The following CSMD1 variants were observed in gnomAD, a reference collection of about 807,000 sequenced individuals.
The protein encoded by CSMD1 is CUB and sushi domain-containing protein 1.
CSMD1 carries 213 observed loss-of-function variants against 417.5 expected under a neutral mutation model. The ratio of observed to expected loss-of-function variants is 0.51; its 90% CI spans 0.46 to 0.57. CSMD1 has a LOEUF of 0.57. CSMD1 is among the 20% of genes least tolerant of loss of function. The pLI is 0.00. For synonymous variants in CSMD1, 2,862 were observed against 1,736.8 expected, an observed-to-expected ratio of 1.65 and a Z score of -16.11; for missense variants, 6,923 against 4,529.7, an observed-to-expected ratio of 1.53 and a Z score of -15.17.
intron 3 of CSMD1, among the ~76,000 whole-genome samples, chr8:4,317,650 A>C (rs1004763182): frequency 2.0e-5 from 3 of 151,936 alleles, no homozygotes; most frequent in African/African-American, 4.8e-5. Context: ...TTATTTACTG[A>C]CAAGCAGGAA....
chr8:4,438,123 A>T lies in CSMD1; in HGVS notation c.303-18058T>A, dbSNP rs372348539. On this transcript the variant is annotated intron_variant, in intron 2 of 69. Transcript: ENST00000635120. The stretch of plus-strand genomic sequence containing the variant: ...TGCTGTTTCTAGCACACTACGCTGC[A>T]CTCAGAAAAGAATTGAGTGTGCTTC... 2.9e-4 allele frequency among the ~76,000 whole-genome samples: 44 copies of T among 152,284 alleles called. 2 individuals are homozygous for T. The highest frequency in any genetic ancestry group is 3.4e-3 in the Middle Eastern group (1 of 294).
intron 12 of CSMD1, among the ~76,000 whole-genome samples, chr8:3,458,790 G>A (rs984152661): frequency 6.6e-6 from 1 of 152,200 alleles, no homozygotes; most frequent in Non-Finnish European, 1.5e-5. Flanking sequence ...AAGACATTGT[G>A]TGCTCTGCAA....
At chr8:3,575,308 A>T (rs6558800) in intron 9 of CSMD1, among the ~76,000 whole-genome samples, 1 of 152,024 alleles carries the variant, frequency 6.6e-6, no homozygotes, top group Non-Finnish European at 1.5e-5. Flanking sequence ...CCAAAGGCCT[A>T]TCCACTCACC....
intron 57 of CSMD1, among the ~76,000 whole-genome samples, chr8:2,968,372 G>A (rs891065322): frequency 1.3e-5 from 2 of 152,146 alleles, no homozygotes; most frequent in Non-Finnish European, 2.9e-5. Context: ...CTATTCAATT[G>A]TATGTCTAAA....
At chr8:4,487,952 C>G (rs912049456) in intron 2 of CSMD1, among the ~76,000 whole-genome samples, 1 of 152,092 alleles carries the variant, frequency 6.6e-6, no homozygotes. Flanking sequence ...TGAATGTTTG[C>G]GTCCCTCCGA....
chr8:4,101,728 A>G (rs575504418), intron 3 of CSMD1, among the ~76,000 whole-genome samples: 1 of 152,360 alleles, frequency 6.6e-6, no homozygotes, highest in African/African-American at 2.4e-5. Flanking sequence ...AGAGGAGAAA[A>G]GCAAACTGGG....
intron 3 of CSMD1, among the ~76,000 whole-genome samples, chr8:4,308,828 T>G (rs1040117023): frequency 2.0e-5 from 3 of 152,204 alleles, no homozygotes; most frequent in African/African-American, 7.2e-5. Context: ...CCTTCATTTA[T>G]GAAGCAATGA....
At chr8:3,455,519 T>A (rs1216933779) in intron 12 of CSMD1, among the ~76,000 whole-genome samples, 1 of 152,214 alleles carries the variant, frequency 6.6e-6, no homozygotes, top group Non-Finnish European at 1.5e-5. Context: ...TTTGTTAGTT[T>A]TCCTTCTAAC....
At chr8:4,578,102 C>T (rs57454297) in intron 2 of CSMD1, among the ~76,000 whole-genome samples, 379 of 152,264 alleles carry the variant, frequency 2.5e-3, no homozygotes, top group African/African-American at 8.8e-3. Context: ...AGAGCTGCTT[C>T]TAGCAATTTT....
intron 5 of CSMD1, among the ~76,000 whole-genome samples, chr8:3,994,105 G>A (rs1332611526): frequency 6.6e-6 from 1 of 152,204 alleles, no homozygotes; most frequent in African/African-American, 2.4e-5. Context: ...GGGAGCTGAA[G>A]CTCAGTCATG....
At chr8:3,873,201 G>T (rs1253505388) in intron 5 of CSMD1, among the ~76,000 whole-genome samples, 3 of 152,004 alleles carry the variant, frequency 2.0e-5, no homozygotes, top group African/African-American at 7.2e-5. Context: ...TCCCTTTACT[G>T]GCTATGTAGC....
intron 3 of CSMD1, among the ~76,000 whole-genome samples, chr8:4,184,512 C>T (rs982183112): frequency 6.6e-5 from 10 of 152,022 alleles, no homozygotes; most frequent in African/African-American, 2.4e-4. Flanking sequence ...ATGTATACAC[C>T]ATGGAATACT....
chr8:3,722,907 A>C (rs915717787), intron 6 of CSMD1, among the ~76,000 whole-genome samples: 1 of 73,862 alleles, frequency 1.4e-5, no homozygotes, highest in Non-Finnish European at 3.6e-5. Flanking sequence ...AGAGACTAGC[A>C]AACTATTGTG....
At chr8:4,191,964 A>T (rs909588296) in intron 3 of CSMD1, among the ~76,000 whole-genome samples, 39 of 152,260 alleles carry the variant, frequency 2.6e-4, no homozygotes, top group Middle Eastern at 3.4e-3. Flanking sequence ...CAGGCAAAAC[A>T]CCCGTAGAGG....
intron 7 of CSMD1, among the ~76,000 whole-genome samples, chr8:3,667,382 C>T (rs555085662): frequency 1.1e-4 from 16 of 151,816 alleles, no homozygotes; most frequent in East Asian, 7.8e-4. Context: ...AGAAAGGTCT[C>T]GGAGGAGTGA....
intron 3 of CSMD1, among the ~76,000 whole-genome samples, chr8:4,052,766 G>T (rs553802188): frequency 1.3e-5 from 2 of 152,008 alleles, no homozygotes; most frequent in African/African-American, 2.4e-5. Context: ...AAAAAAATGG[G>T]ATATCTGAGG....
At chr8:4,119,980 G>A (rs367802363) in intron 3 of CSMD1, among the ~76,000 whole-genome samples, 48 of 152,136 alleles carry the variant, frequency 3.2e-4, no homozygotes, top group Non-Finnish European at 5.7e-4. Flanking sequence ...GAATGAATAA[G>A]ACCTAGTATT....
chr8:4,277,811 A>C (rs926312271), intron 3 of CSMD1, among the ~76,000 whole-genome samples: 47 of 152,248 alleles, frequency 3.1e-4, no homozygotes, highest in African/African-American at 1.0e-3. Flanking sequence ...GCAGTCGTAT[A>C]ATCTCGGTTC....
At chr8:3,761,742 G>A (rs1275995859) in intron 5 of CSMD1, among the ~76,000 whole-genome samples, 3 of 152,034 alleles carry the variant, frequency 2.0e-5, no homozygotes, top group African/African-American at 7.2e-5. Context: ...CTGATCTCAG[G>A]TGATCCATCT....
Sources: allele counts gnomAD v4.1 joint callset (sites outside exome capture counted in the v4.1 genomes callset), GRCh38; gene constraint gnomAD v4.1.1; transcripts MANE v1.5; gene names NCBI Gene and HGNC (gene_info 2026-07-23, HGNC 2026-07-21).